Variants in RSBN1 observed in about 807,000 individuals in gnomAD.
RSBN1 encodes the protein round spermatid basic protein 1, also known as lysine-specific demethylase 9.
Under a neutral mutation model 74.8 loss-of-function variants are expected in RSBN1, and 23 were observed. The observed-to-expected ratio is 0.31, with a 90% CI of 0.22 to 0.44. The LOEUF (loss-of-function observed/expected upper bound fraction) is 0.44, where lower values mean the gene tolerates loss of function less well. Ranked by LOEUF, RSBN1 falls within the 20% of genes least tolerant of loss-of-function variation. The probability of loss-of-function intolerance (pLI) is 1.00; values close to 1 mark genes in which losing one functional copy is unlikely to be tolerated. For missense variants in RSBN1, 808 were observed against 1,020.9 expected, an observed-to-expected ratio of 0.79 and a Z score of 2.84; for synonymous variants, 407 against 379.6, an observed-to-expected ratio of 1.07 and a Z score of -0.84.
intron 2 of RSBN1, among the ~76,000 whole-genome samples, chr1:113,794,969 A>C (rs1162079528): frequency 6.6e-6 from 1 of 152,234 alleles, no homozygotes; most frequent in Non-Finnish European, 1.5e-5. Context: ...CTAAAGCAAT[A>C]AAAAATTTAT....
At chr1:113,768,089 A>C in intron 5 of RSBN1, 133 bp downstream of exon 5, 1 of 668,444 alleles carries the variant, frequency 1.5e-6, no homozygotes, top group South Asian at 3.0e-5. Context: ...ATGTACATTT[A>C]AAAATGGTTA....
chr1:113,763,498 A>G lies in RSBN1; in HGVS notation c.*2482T>C, dbSNP rs1659723171. On this transcript the variant is annotated 3_prime_UTR_variant, in exon 7 of 7. Coordinates refer to ENST00000261441, the MANE Select transcript of RSBN1 (RefSeq NM_018364.5). ...TTGCAATCATTTGTATCACTAAACT[A>G]GGATACAGCTTTGAAAGCAGTAAAA... 6.5e-6 allele frequency: 1 copy of G among 152,782 alleles called. No homozygotes were observed. The highest frequency in any genetic ancestry group is 2.4e-5 in the African/African-American group (1 of 41,464). The allele number at this position is 152,782 out of a possible 1,614,324, so 9.5% of individuals were successfully genotyped here.
intron 4 of RSBN1, among the ~76,000 whole-genome samples, chr1:113,776,350 A>C (rs1049547119): frequency 1.1e-4 from 16 of 152,216 alleles, no homozygotes; most frequent in African/African-American, 3.9e-4. Flanking sequence ...GAAGGAAAGA[A>C]AAACTTCACA....
In RSBN1 at chr1:113,765,186, TGAG is replaced by T. The variant is rs1350441405; in HGVS notation, c.*791_*793del. 1 of 152,246 alleles carries T rather than the reference TGAG, an allele frequency of 6.6e-6. No individual in the cohort carries two copies. The highest frequency in any genetic ancestry group is 1.5e-5 in the Non-Finnish European group (1 of 67,980). The allele number at this position is 152,246 out of a possible 1,614,324, so 9.4% of individuals were successfully genotyped here. Reference sequence around the variant, plus strand: ...GAAGCAAAATTATCCCCACAAAATGTGAGGATGCCAGGAAGCAGAACAATAGAG... The same window carrying T: ...GAAGCAAAATTATCCCCACAAAATGTGATGCCAGGAAGCAGAACAATAGAG... On this transcript the variant is annotated 3_prime_UTR_variant, in exon 7 of 7. Coordinates refer to ENST00000261441, the MANE Select transcript of RSBN1 (RefSeq NM_018364.5).
intron 4 of RSBN1, among the ~76,000 whole-genome samples, chr1:113,776,882 C>A (rs968115420): frequency 2.7e-5 from 4 of 150,766 alleles, no homozygotes; most frequent in African/African-American, 9.8e-5. Flanking sequence ...AAAGTGAATT[C>A]GGTATGGCCG....
intron 2 of RSBN1, among the ~76,000 whole-genome samples, chr1:113,792,819 G>A (rs1473167565): frequency 1.3e-5 from 2 of 151,908 alleles, no homozygotes; most frequent in Non-Finnish European, 2.9e-5. Flanking sequence ...AAGAAAGGAA[G>A]GGAAGGGAGG....
intron 1 of RSBN1, among the ~76,000 whole-genome samples, chr1:113,806,435 T>C (rs1006942873): frequency 1.3e-5 from 2 of 151,816 alleles, no homozygotes; most frequent in African/African-American, 2.4e-5. Flanking sequence ...CAAAAGGTGC[T>C]AGAGCAACTG....
At chr1:113,776,957 A>T (rs988405102) in intron 4 of RSBN1, among the ~76,000 whole-genome samples, 4 of 152,154 alleles carry the variant, frequency 2.6e-5, no homozygotes, top group African/African-American at 9.7e-5. Context: ...TGTAAACCAC[A>T]CTAAGGGGTT....
chr1:113,767,713 A>G (rs1298578429), intron 5 of RSBN1, among the ~76,000 whole-genome samples: 1 of 152,226 alleles, frequency 6.6e-6, no homozygotes, highest in Non-Finnish European at 1.5e-5. Flanking sequence ...CAAAAGGTAG[A>G]AGCAACCCAA....
intron 1 of RSBN1, among the ~76,000 whole-genome samples, chr1:113,798,896 G>T (rs1660525334): frequency 6.6e-6 from 1 of 152,104 alleles, no homozygotes; most frequent in African/African-American, 2.4e-5. Flanking sequence ...GTTACAAAAT[G>T]CTTAGACTCA....
chr1:113,788,846 G>A (rs1660309303), intron 2 of RSBN1, among the ~76,000 whole-genome samples: 1 of 151,980 alleles, frequency 6.6e-6, no homozygotes, highest in Non-Finnish European at 1.5e-5. Flanking sequence ...CATCAACCTG[G>A]AAAACACAGG....
At chr1:113,777,139 C>T (rs1340846606) in intron 4 of RSBN1, 71 bp downstream of exon 4, 4 of 1,413,754 alleles carry the variant, frequency 2.8e-6, no homozygotes, top group African/African-American at 1.4e-5. Context: ...GGTTTTCAAA[C>T]TGTGCTCATT....
intron 1 of RSBN1, among the ~76,000 whole-genome samples, chr1:113,803,658 T>G (rs536704389): frequency 6.6e-6 from 1 of 152,062 alleles, no homozygotes; most frequent in African/African-American, 2.4e-5. Context: ...CCAAAAACAG[T>G]TGAATTCTAG....
At chr1:113,788,263 T>C (rs1280495471) in intron 2 of RSBN1, among the ~76,000 whole-genome samples, 1 of 151,748 alleles carries the variant, frequency 6.6e-6, no homozygotes. Flanking sequence ...TTAATAAAAG[T>C]TTCAGAAAAA....
chr1:113,794,420 A>T (rs2101815860), intron 2 of RSBN1, among the ~76,000 whole-genome samples: 1 of 152,318 alleles, frequency 6.6e-6, no homozygotes, highest in Admixed American at 6.5e-5. Context: ...CTAACTTTTT[A>T]AAAGCATGTC....
intron 4 of RSBN1, among the ~76,000 whole-genome samples, chr1:113,772,470 A>G (rs1038102555): frequency 1.3e-5 from 2 of 152,134 alleles, no homozygotes; most frequent in African/African-American, 4.8e-5. Context: ...GTAAAAATAT[A>G]TTTGCCTCTG....
intron 2 of RSBN1, among the ~76,000 whole-genome samples, chr1:113,796,717 C>T (rs142648302): frequency 1.3e-5 from 2 of 152,252 alleles, no homozygotes; most frequent in African/African-American, 4.8e-5. Flanking sequence ...ACTTCTTATT[C>T]CCTAAAATAA....
At chr1:113,783,296 G>C (rs1395095740) in intron 2 of RSBN1, among the ~76,000 whole-genome samples, 1 of 151,780 alleles carries the variant, frequency 6.6e-6, no homozygotes, top group African/African-American at 2.4e-5. Flanking sequence ...GGGTGGAGGG[G>C]GAGAAGAAGA....
intron 2 of RSBN1, among the ~76,000 whole-genome samples, chr1:113,785,148 C>T (rs146955539): frequency 6.6e-6 from 1 of 151,748 alleles, no homozygotes; most frequent in Non-Finnish European, 1.5e-5. Context: ...TTTTTTTAAA[C>T]CTTTTTTGTT....
Sources: gnomAD v4.1 joint callset for allele counts (sites outside exome capture counted in the v4.1 genomes callset) on GRCh38, gnomAD v4.1.1 for gene constraint, MANE v1.5 for transcripts, NCBI Gene and HGNC (gene_info 2026-07-23, HGNC 2026-07-21) for gene names.